The following CNOT4 variants were observed in gnomAD, a reference collection of about 807,000 sequenced individuals.
CNOT4 encodes CCR4-NOT transcription complex subunit 4, also known as CCR4-associated factor 4.
CNOT4 carries 8 observed loss-of-function variants against 73.8 expected under a neutral mutation model. The observed-to-expected ratio is 0.11, with a 90% CI of 0.06 to 0.20. The LOEUF (loss-of-function observed/expected upper bound fraction) is 0.20, where lower values mean the gene tolerates loss of function less well. Among genes scored for constraint, CNOT4 ranks in the 10% least tolerant of loss-of-function variants. CNOT4 has a pLI of 1.00. For synonymous variants in CNOT4, 293 were observed against 321.1 expected, an observed-to-expected ratio of 0.91 and a Z score of 0.94; for missense variants, 564 against 883.4, an observed-to-expected ratio of 0.64 and a Z score of 4.58.
At chr7:135,475,055 T>G (rs1315895660) in intron 1 of CNOT4, among the ~76,000 whole-genome samples, 1 of 152,218 alleles carries the variant, frequency 6.6e-6, no homozygotes, top group Non-Finnish European at 1.5e-5. Flanking sequence ...AGTGTAAAGA[T>G]CTATATTTGA....
At chr7:135,507,341 T>C (rs569685826) in intron 1 of CNOT4, among the ~76,000 whole-genome samples, 31 of 152,304 alleles carry the variant, frequency 2.0e-4, no homozygotes, top group Admixed American at 5.2e-4. Context: ...TTCCAAATTA[T>C]CAAAAGAAAC....
At chr7:135,477,966 T>A (rs781732567) in intron 1 of CNOT4, among the ~76,000 whole-genome samples, 12 of 130,580 alleles carry the variant, frequency 9.2e-5, no homozygotes, top group Non-Finnish European at 1.8e-4. Context: ...ATATTTAATA[T>A]AATAGATATG....
chr7:135,421,082 T>C (rs573360622), intron 3 of CNOT4, among the ~76,000 whole-genome samples: 1 of 152,304 alleles, frequency 6.6e-6, no homozygotes, highest in South Asian at 2.1e-4. Context: ...CTTACTAATG[T>C]CCCTGACTTT....
At chr7:135,445,918 G>T (rs1156816674) in intron 1 of CNOT4, among the ~76,000 whole-genome samples, 2 of 152,066 alleles carry the variant, frequency 1.3e-5, no homozygotes, top group Non-Finnish European at 1.5e-5. Flanking sequence ...TCTCACCCAG[G>T]CTACAGTGCA....
chr7:135,478,528 C>G (rs952326274), intron 1 of CNOT4, among the ~76,000 whole-genome samples: 2 of 151,988 alleles, frequency 1.3e-5, no homozygotes, highest in African/African-American at 4.8e-5. Context: ...CTGGGGAGAC[C>G]CTGTCTTTAC....
chr7:135,422,406 G>A, intron 2 of CNOT4, 53 bp from the exon 3 acceptor site: 1 of 816,548 alleles, frequency 1.2e-6, no homozygotes, highest in Non-Finnish European at 2.1e-6. Flanking sequence ...TAAAAAAACT[G>A]CGTAAGTAAT....
chr7:135,455,743 G>A (rs975061083), intron 1 of CNOT4, among the ~76,000 whole-genome samples: 4 of 152,056 alleles, frequency 2.6e-5, no homozygotes, highest in African/African-American at 9.7e-5. Context: ...GCATGGTGGT[G>A]CATGCCTGTA....
intron 10 of CNOT4, among the ~76,000 whole-genome samples, chr7:135,385,296 C>T (rs1796064129): frequency 6.6e-6 from 1 of 152,218 alleles, no homozygotes; most frequent in African/African-American, 2.4e-5. Flanking sequence ...TCCCTGAATA[C>T]CTCAGCTGGA....
intron 9 of CNOT4, among the ~76,000 whole-genome samples, chr7:135,395,265 T>G: frequency 6.6e-6 from 1 of 151,946 alleles, no homozygotes; most frequent in African/African-American, 2.4e-5. Flanking sequence ...GGAGGATCAC[T>G]TGAACCCAGG....
At chr7:135,418,268 A>T (rs978085758) in intron 3 of CNOT4, among the ~76,000 whole-genome samples, 1 of 152,240 alleles carries the variant, frequency 6.6e-6, no homozygotes, top group African/African-American at 2.4e-5. Flanking sequence ...CTAAACAACT[A>T]GCAAAATAGT....
chr7:135,441,166 T>TTGTA, intron 1 of CNOT4, among the ~76,000 whole-genome samples: 1 of 152,016 alleles, frequency 6.6e-6, no homozygotes, highest in Non-Finnish European at 1.5e-5. Context: ...TGTTGTTATT[T>TTGTA]CACAAAAGAC....
At chr7:135,399,621 C>T (rs1454711845) in intron 7 of CNOT4, among the ~76,000 whole-genome samples, 5 of 151,924 alleles carry the variant, frequency 3.3e-5, no homozygotes, top group African/African-American at 1.2e-4. Context: ...AAAATATACA[C>T]AAAGTCCCCT....
In CNOT4 at chr7:135,474,276, A is replaced by ATTT. The variant is rs869203152; in HGVS notation, c.-93+35610_-93+35612dup. 4.8e-3 allele frequency among the ~76,000 whole-genome samples: 423 copies of ATTT among 87,998 alleles called. 29 individuals are homozygous for ATTT. Among genetic ancestry groups the ATTT allele is most frequent in the African/African-American group, 0.013 (257 of 20,196 alleles). 57.7% of individuals were successfully genotyped at this position (87,998 alleles called of 152,430 possible). A position where few individuals can be genotyped will look rare whatever the true frequency, so the allele number is the denominator to read the frequency against. On this transcript the variant is annotated intron_variant, in intron 1 of 11. Coordinates refer to ENST00000541284, the MANE Select transcript of CNOT4 (RefSeq NM_001190850.2). ...TACAGGCATGAGCCACTGTGCCCAA[A>ATTT]TTTTTTTTTTTTTTTTTTTTTTTTT...
chr7:135,448,437 G>C (rs924371017), intron 1 of CNOT4, among the ~76,000 whole-genome samples: 5 of 151,804 alleles, frequency 3.3e-5, no homozygotes, highest in Admixed American at 1.3e-4. Flanking sequence ...CCAGCTACTA[G>C]GGAGGCTGAG....
intron 1 of CNOT4, among the ~76,000 whole-genome samples, chr7:135,502,128 T>A (rs958541002): frequency 6.6e-6 from 1 of 152,224 alleles, no homozygotes; most frequent in Non-Finnish European, 1.5e-5. Flanking sequence ...CTTCCCAGTC[T>A]CCAAAACCAT....
chr7:135,365,943 ACT>A (rs1315613022), intron 10 of CNOT4, among the ~76,000 whole-genome samples: 1 of 152,188 alleles, frequency 6.6e-6, no homozygotes, highest in African/African-American at 2.4e-5. Flanking sequence ...GCTATGGTAC[ACT>A]CTAACTTTTA....
Position 135,422,146 on chromosome 7 carries a change from G to A in CNOT4, c.372+10C>T, listed in dbSNP as rs747134253. 1.3e-6 allele frequency: 2 copies of A among 1,556,444 alleles called. No homozygotes were observed. The highest frequency in any genetic ancestry group is 8.8e-7 in the Non-Finnish European group (1 of 1,131,122). ...AATATCAAGATGACAAAGAAAACAA[G>A]AGGACTTACCTCTGGGTCTGCTAGG... On this transcript the variant is annotated intron_variant, in intron 3 of 11. Transcript: ENST00000541284.
At position 135,443,531 on chromosome 7, in the gene CNOT4, G is replaced by A. The variant is rs1338486430; in HGVS notation, c.-92-5108C>T. 2.0e-5 allele frequency among the ~76,000 whole-genome samples: 3 copies of A among 152,094 alleles called. No individual in the cohort carries two copies. The South Asian group carries it at 6.2e-4, about 32-fold the overall frequency. ...TCCAACATGGTAAGACAGAAGTCAC[G>A]ATTACTGATGTTGGAGCTATGTATA... On this transcript the variant is annotated intron_variant, in intron 1 of 11. Transcript: ENST00000541284.
chr7:135,395,758 C>T lies in CNOT4; in HGVS notation c.1005G>A (p.Ser335=), dbSNP rs774171708. The T allele has an allele frequency of 2.7e-5, 44 of 1,613,998 alleles. No homozygotes were observed. The African/African-American group carries it at 4.8e-4, about 18-fold the overall frequency. ...GATGGCGAAAATTGTCTGAGAATAA[C>T]GACTGTGACTCTGTTACTGCCCCTT... ...PFEGAVTESQ[S]LFSDNFRHPN... is the part of the protein sequence containing the mutation. Residue 335 remains serine, a synonymous_variant, in exon 9 of 12, where the codon TCG becomes TCA. Transcript: ENST00000541284.
Sources: allele counts gnomAD v4.1 joint callset (sites outside exome capture counted in the v4.1 genomes callset), GRCh38; gene constraint gnomAD v4.1.1; transcripts MANE v1.5; gene names NCBI Gene and HGNC (gene_info 2026-07-23, HGNC 2026-07-21).